Variants in FOXP1 observed in about 807,000 individuals in gnomAD.
The protein encoded by FOXP1 is forkhead box protein P1.
Under a neutral mutation model 98.2 loss-of-function variants are expected in FOXP1, and 15 were observed. That is an observed-to-expected ratio of 0.15 (90% confidence interval 0.10 to 0.24). The LOEUF (loss-of-function observed/expected upper bound fraction) is 0.24. Ranked by LOEUF, FOXP1 falls within the 10% of genes least tolerant of loss-of-function variation. FOXP1 has a pLI of 1.00. For synonymous variants in FOXP1, 371 were observed against 314.5 expected (o/e 1.18, Z -1.90); for missense variants, 633 against 848.5 (o/e 0.75, Z 3.15).
chr3:71,360,380 G>A (rs2078475387), intron 3 of FOXP1: 1 of 152,098 alleles, frequency 6.6e-6, no homozygotes, highest in Admixed American at 6.5e-5. Flanking sequence ...AAATGCAAAA[G>A]GAGACTGTGA....
intron 3 of FOXP1, among the ~76,000 whole-genome samples, chr3:71,386,108 G>A (rs1348426875): frequency 2.0e-5 from 3 of 152,016 alleles, no homozygotes; most frequent in Non-Finnish European, 4.4e-5. Flanking sequence ...AAGGATTTTG[G>A]GACCTCTCCA....
At chr3:71,453,385 A>C (rs562438972) in intron 3 of FOXP1, among the ~76,000 whole-genome samples, 2 of 152,264 alleles carry the variant, frequency 1.3e-5, no homozygotes, top group Admixed American at 1.3e-4. Flanking sequence ...TGCAATATTC[A>C]AGCTGAATGA....
chr3:71,091,097 CTG>C (rs1191628935), intron 7 of FOXP1, among the ~76,000 whole-genome samples: 69 of 132,604 alleles, frequency 5.2e-4, no homozygotes, highest in African/African-American at 1.4e-3. Flanking sequence ...GTGCCAGATT[CTG>C]TGTGTGTGTG....
intron 11 of FOXP1, among the ~76,000 whole-genome samples, chr3:71,016,312 G>T (rs1332730027): frequency 1.3e-5 from 2 of 152,094 alleles, no homozygotes. Context: ...CCTCCAGTGG[G>T]GTTCCAATCA....
At chr3:71,164,354 C>G (rs1248079072) in intron 6 of FOXP1, among the ~76,000 whole-genome samples, 1 of 152,120 alleles carries the variant, frequency 6.6e-6, no homozygotes, top group African/African-American at 2.4e-5. Context: ...CGCCCGCCAC[C>G]ACGCCCGGAG....
At chr3:71,193,205 T>C (rs1276775312) in intron 6 of FOXP1, among the ~76,000 whole-genome samples, 2 of 142,764 alleles carry the variant, frequency 1.4e-5, no homozygotes, top group Non-Finnish European at 3.0e-5. Flanking sequence ...TGGAGTGCAG[T>C]GGTGGGATCT....
chr3:71,100,333 C>T (rs2056844047), intron 7 of FOXP1, among the ~76,000 whole-genome samples: 1 of 152,174 alleles, frequency 6.6e-6, no homozygotes, highest in Non-Finnish European at 1.5e-5. Flanking sequence ...AATAACAATC[C>T]CTTTACGCTC....
intron 6 of FOXP1, among the ~76,000 whole-genome samples, chr3:71,173,088 A>G (rs2108228069): frequency 6.6e-6 from 1 of 152,230 alleles, no homozygotes; most frequent in South Asian, 2.1e-4. Flanking sequence ...GAGCCCATGC[A>G]TTTTGCAAAC....
At chr3:71,551,825 T>A (rs147197311) in intron 2 of FOXP1, among the ~76,000 whole-genome samples, 75 of 152,292 alleles carry the variant, frequency 4.9e-4, no homozygotes, top group African/African-American at 1.7e-3. Flanking sequence ...ATAATTCACA[T>A]GGAAAGAATT....
chr3:71,486,065 G>A (rs1276857166), intron 3 of FOXP1, among the ~76,000 whole-genome samples: 1 of 152,000 alleles, frequency 6.6e-6, no homozygotes, highest in African/African-American at 2.4e-5. Context: ...ATTCAAAGAT[G>A]AGGAAGTAGC....
chr3:71,478,502 A>T (rs1410393463), intron 3 of FOXP1, among the ~76,000 whole-genome samples: 4 of 152,210 alleles, frequency 2.6e-5, no homozygotes, highest in Non-Finnish European at 5.9e-5. Context: ...AAATATGCTT[A>T]AAAAAAGAAG....
At position 71,260,059 on chromosome 3, in the gene FOXP1, C is replaced by A. The variant is rs566989466; in HGVS notation, c.-12+39761G>T. Among the ~76,000 whole-genome samples the A allele has an allele frequency of 3.9e-4, 59 of 152,348 alleles. No individual in the cohort carries two copies. The South Asian group carries it at 4.8e-3, about 12-fold the overall frequency. On this transcript the variant is annotated intron_variant, in intron 5 of 20. Transcript: ENST00000649528. ...AGTGCAGCGGCGCAATCTCGGCTCA[C>A]TGCAAGCTCCGCCTCCCGGGTTCAC...
chr3:70,966,216 G>A (rs1047640881), intron 19 of FOXP1, 160 bp from the exon 20 acceptor site: 7 of 714,510 alleles, frequency 9.8e-6, no homozygotes, highest in African/African-American at 7.0e-5. Flanking sequence ...CTTTAAAAAC[G>A]ACTCGTGGCA....
At chr3:71,017,219 C>A (rs1182439137) in intron 11 of FOXP1, among the ~76,000 whole-genome samples, 3 of 152,022 alleles carry the variant, frequency 2.0e-5, no homozygotes, top group African/African-American at 7.2e-5. Flanking sequence ...TATTTGTGTT[C>A]ATCTTCAGAT....
At chr3:71,464,069 G>A (rs1037107447) in intron 3 of FOXP1, among the ~76,000 whole-genome samples, 2 of 152,198 alleles carry the variant, frequency 1.3e-5, no homozygotes, top group East Asian at 3.9e-4. Flanking sequence ...CTTAAGCTCA[G>A]GAGTTCAAGA....
intron 5 of FOXP1, among the ~76,000 whole-genome samples, chr3:71,212,394 G>A (rs967324951): frequency 6.6e-6 from 1 of 152,084 alleles, no homozygotes; most frequent in African/African-American, 2.4e-5. Context: ...ACGTACTGAG[G>A]GGCTACATGG....
intron 3 of FOXP1, among the ~76,000 whole-genome samples, chr3:71,432,382 C>T: frequency 6.6e-6 from 1 of 152,338 alleles, no homozygotes; most frequent in Non-Finnish European, 1.5e-5. Context: ...GCCTCACCAC[C>T]CCTGAACCAG....
intron 5 of FOXP1, among the ~76,000 whole-genome samples, chr3:71,259,344 A>G (rs1257311120): frequency 6.6e-6 from 1 of 152,230 alleles, no homozygotes; most frequent in Admixed American, 6.5e-5. Context: ...CAGCTGCAGT[A>G]TATCTTTGTA....
At chr3:71,363,255 G>A (rs1342449394) in intron 3 of FOXP1, among the ~76,000 whole-genome samples, 2 of 152,096 alleles carry the variant, frequency 1.3e-5, no homozygotes, top group African/African-American at 4.8e-5. Flanking sequence ...AACAGTGGTA[G>A]TATTTCAACA....
Sources: allele counts gnomAD v4.1 joint callset (sites outside exome capture counted in the v4.1 genomes callset), GRCh38; gene constraint gnomAD v4.1.1; transcripts MANE v1.5; gene names NCBI Gene and HGNC (gene_info 2026-07-23, HGNC 2026-07-21).